Variants in FBXO27 observed in about 807,000 individuals in gnomAD.
FBXO27 encodes F-box protein 27.
Under a neutral mutation model 28.3 loss-of-function variants are expected in FBXO27, and 28 were observed. The ratio of observed to expected loss-of-function variants is 0.99; its 90% CI spans 0.73 to 1.36. The LOEUF is 1.36. FBXO27 is among the 40% of genes most tolerant of loss of function. The probability of loss-of-function intolerance (pLI) is 0.00; values close to 1 mark genes in which losing one functional copy is unlikely to be tolerated. For synonymous variants in FBXO27, 175 were observed against 167.3 expected, an observed-to-expected ratio of 1.05 and a Z score of -0.36; for missense variants, 388 against 394.1, an observed-to-expected ratio of 0.98 and a Z score of 0.13.
In FBXO27 at chr19:39,032,196, GC is replaced by G. The variant is rs1366077595; in HGVS notation, c.31del (p.Ala11ProfsTer16). 3 of 1,483,232 alleles carry G rather than the reference GC, an allele frequency of 2.0e-6. No individual in the cohort carries two copies. The Admixed American group carries it at 7.1e-5, about 35-fold the overall frequency. 91.9% of individuals were successfully genotyped at this position (1,483,232 alleles called of 1,614,324 possible). A position where few individuals can be genotyped will look rare whatever the true frequency, so the allele number is the denominator to read the frequency against. On this transcript the variant is annotated frameshift_variant, in exon 2 of 6. Coordinates refer to ENST00000292853, the MANE Select transcript of FBXO27 (RefSeq NM_178820.5). LOFTEE classifies it high-confidence loss of function. The surrounding 1 kb of genome is among the most constrained non-coding windows in gnomAD (Gnocchi z 4.7). Reference protein sequence around the residue: MGASVSRGRAARVPAPEPEPE... With the variant: MGASVSRGRAXRVPAPEPEPE... ...TTCCGGCTCCGGCGCGGGGACCCGG[GC>G]GGCCCGGCCCCTGGAGACCGAGGCG...
chr19:39,013,649 A>T (rs1483625837), intron 2 of FBXO27, among the ~76,000 whole-genome samples: 1 of 151,454 alleles, frequency 6.6e-6, no homozygotes, highest in Non-Finnish European at 1.5e-5. Context: ...TAAAAAAAAT[A>T]AAAGAAAATA....
chr19:39,031,836 T>G, intron 2 of FBXO27, 28 bp downstream of exon 2: 1 of 1,460,944 alleles, frequency 6.8e-7, no homozygotes, highest in Non-Finnish European at 8.9e-7. Context: ...TGGCCCAGCA[T>G]CCTGGACTTC....
intron 2 of FBXO27, among the ~76,000 whole-genome samples, chr19:39,009,432 T>C (rs570991511): frequency 1.1e-4 from 17 of 152,218 alleles, no homozygotes; most frequent in Non-Finnish European, 8.8e-5. Context: ...ATAATCTCCA[T>C]ATCATCACCA....
chr19:39,027,499 A>G (rs1675246099), intron 4 of FBXO27, among the ~76,000 whole-genome samples: 1 of 152,208 alleles, frequency 6.6e-6, no homozygotes, highest in Non-Finnish European at 1.5e-5. Context: ...CCATGGGAGA[A>G]GGACAACAGA....
rs1030076010 is a variant in FBXO27 at position 39,032,114 on chromosome 19, C to T, written c.114G>A (p.Leu38=). Residue 38 remains leucine, a synonymous_variant, in exon 2 of 6, where the codon CTG becomes CTA. Transcript: ENST00000292853. This position sits in a 1 kb window ranked among gnomAD's most constrained non-coding sequence, Gnocchi z 4.7. The part of the protein sequence containing the change: ...QLPPELLLVV[L]SHVPPRTLLG... ...GCAGCGTGCGCGGGGGGACGTGGCT[C>T]AGCACCACCAGAAGCAGCTCTGGGG... is the stretch of plus-strand genomic sequence containing the variant. The T allele has an allele frequency of 2.0e-6, 3 of 1,534,042 alleles. No individual in the cohort carries two copies. The African/African-American group carries it at 4.3e-5, about 22-fold the overall frequency.
At chr19:39,012,527 G>C (rs370023175) in intron 2 of FBXO27, among the ~76,000 whole-genome samples, 1 of 152,148 alleles carries the variant, frequency 6.6e-6, no homozygotes, top group Non-Finnish European at 1.5e-5. Context: ...AGAAGGGTTG[G>C]ATACAAAAGG....
intron 2 of FBXO27, chr19:39,031,545 C>G (rs1400914738): frequency 8.1e-6 from 5 of 615,068 alleles, no homozygotes; most frequent in Non-Finnish European, 8.5e-6. Context: ...CAACCCCTCT[C>G]TCGGGCTCCC....
At chr19:39,030,033 G>A (rs1414096181) in intron 4 of FBXO27, among the ~76,000 whole-genome samples, 1 of 152,080 alleles carries the variant, frequency 6.6e-6, no homozygotes, top group Non-Finnish European at 1.5e-5. Context: ...AGTAGAGATG[G>A]GTTTTGCCAT....
At chr19:39,016,609 A>AC (rs1374532645) in intron 1 of FBXO27, among the ~76,000 whole-genome samples, 1 of 150,600 alleles carries the variant, frequency 6.6e-6, no homozygotes, top group Non-Finnish European at 1.5e-5. Flanking sequence ...AAAAAAAAAA[A>AC]ACCCAAAAGC....
chr19:39,025,611 A>C lies in FBXO27; in HGVS notation c.709-57T>G, dbSNP rs1380498076. 5.8e-6 allele frequency: 9 copies of C among 1,544,530 alleles called. No individual in the cohort carries two copies. In the East Asian group the frequency reaches 2.1e-4, roughly 35 times the overall value. ...TGCCACAGCCTCCCCTCCAAAGCTG[A>C]GGTTAGGGCCTTCTGGAAGATGGTT... On this transcript the variant is annotated intron_variant, in intron 5 of 5. Transcript: ENST00000292853.
chr19:39,022,142 TATTC>T (rs1407416632), downstream of FBXO27, among the ~76,000 whole-genome samples: 69 of 125,378 alleles, frequency 5.5e-4, no homozygotes, highest in African/African-American at 1.6e-3. Flanking sequence ...AAATATTTTC[TATTC>T]TTTTTTTTTT....
chr19:39,008,128 G>A (rs533567423), intron 2 of FBXO27, among the ~76,000 whole-genome samples: 1 of 152,172 alleles, frequency 6.6e-6, no homozygotes, highest in South Asian at 2.1e-4. Context: ...AGCCAGGCAT[G>A]GTGGTGCACG....
chr19:39,009,668 G>T (rs574791066), intron 2 of FBXO27, among the ~76,000 whole-genome samples: 25 of 152,116 alleles, frequency 1.6e-4, no homozygotes, highest in Non-Finnish European at 3.2e-4. Flanking sequence ...TGAGTTGTAA[G>T]AATTCTTTAT....
rs142879110 is a variant in FBXO27, at chr19:39,010,657, T to C, written c.252+3730A>G. 7.2e-5 allele frequency among the ~76,000 whole-genome samples: 11 copies of C among 152,338 alleles called. No individual in the cohort carries two copies. In the East Asian group the frequency reaches 1.9e-3, roughly 27 times the overall value. The stretch of plus-strand genomic sequence containing the variant: ...GTTATCCCCCGTCTCTTCCATGGCA[T>C]TGACTCGATGACCCAAAAGTTATTA... On this transcript the variant is annotated intron_variant, in intron 2 of 2. Coordinates refer to the FBXO27 transcript ENST00000598394.
At chr19:39,016,164 A>C (rs898259192) in intron 1 of FBXO27, among the ~76,000 whole-genome samples, 1 of 152,180 alleles carries the variant, frequency 6.6e-6, no homozygotes, top group East Asian at 1.9e-4. Context: ...GAGGACTTTT[A>C]GGGCAGTGAA....
rs1218812717 is a variant in FBXO27, at chr19:39,032,445, A to C, written c.-27+58T>G. On this transcript the variant is annotated intron_variant, in intron 1 of 5. Coordinates refer to ENST00000292853, the MANE Select transcript of FBXO27 (RefSeq NM_178820.5). This position sits in a 1 kb window ranked among gnomAD's most constrained non-coding sequence, Gnocchi z 4.7. ...CCCCGCGGTCTGTGTGTATGCCCCG[A>C]ATTGCATGCAATCAGCCCCCCTCGG... The C allele has an allele frequency of 1.9e-5, 11 of 579,370 alleles. No individual in the cohort carries two copies. The Middle Eastern group carries it at 1.4e-3, about 76-fold the overall frequency. The allele number at this position is 579,370 out of a possible 1,614,324, so 35.9% of individuals were successfully genotyped here.
At chr19:39,026,441 G>A (rs1383709981) in intron 5 of FBXO27, among the ~76,000 whole-genome samples, 1 of 152,112 alleles carries the variant, frequency 6.6e-6, no homozygotes, top group Admixed American at 6.6e-5. Context: ...TGAAATTACT[G>A]ACTCACAGAA....
intron 2 of FBXO27, among the ~76,000 whole-genome samples, chr19:39,011,762 C>T (rs1021197414): frequency 3.9e-5 from 6 of 151,910 alleles, no homozygotes; most frequent in South Asian, 4.2e-4. Flanking sequence ...AATCCTCCCA[C>T]CTCGCCTCCC....
In FBXO27 at chr19:39,031,326, A is replaced by G. The variant is rs1176858010; in HGVS notation, c.365-6T>C. ...CATCCACTTTCGGAGGCCTTCTGTG[A>G]AATAAAAAAGGCTTGTGCCCAAGTT... is the stretch of plus-strand genomic sequence containing the variant. On this transcript the variant is annotated splice_region_variant and splice_polypyrimidine_tract_variant and intron_variant, in intron 2 of 5. Transcript: ENST00000292853. The G allele has an allele frequency of 6.2e-7, 1 of 1,613,686 alleles. No individual in the cohort carries two copies.
Sources: gnomAD v4.1 joint callset for allele counts (sites outside exome capture counted in the v4.1 genomes callset) on GRCh38, gnomAD v4.1.1 for gene constraint, Gnocchi (gnomAD v3.1) non-coding constraint, MANE v1.5 for transcripts, NCBI Gene and HGNC (gene_info 2026-07-23, HGNC 2026-07-21) for gene names.